Variants in SLC14A2 observed in about 807,000 individuals in gnomAD.
The protein encoded by SLC14A2 is urea transporter 2.
SLC14A2 carries 91 observed loss-of-function variants against 104.6 expected under a neutral mutation model. The ratio of observed to expected loss-of-function variants is 0.87; its 90% CI spans 0.73 to 1.04. The LOEUF (loss-of-function observed/expected upper bound fraction) is 1.04, where lower values mean the gene tolerates loss of function less well. Ranked by LOEUF, SLC14A2 falls within the 50% of genes least tolerant of loss-of-function variation. SLC14A2 has a pLI of 0.00. For synonymous variants in SLC14A2, 476 were observed against 466.4 expected, an observed-to-expected ratio of 1.02 and a Z score of -0.27; for missense variants, 1,189 against 1,156.0, an observed-to-expected ratio of 1.03 and a Z score of -0.41.
At chr18:45,359,931 A>T (rs2085594205) in intron 1 of SLC14A2, among the ~76,000 whole-genome samples, 1 of 152,166 alleles carries the variant, frequency 6.6e-6, no homozygotes, top group South Asian at 2.1e-4. Flanking sequence ...TTGGAATTCA[A>T]GTCTCCCTGA....
At chr18:45,512,102 A>T (rs944084403) in intron 2 of SLC14A2, among the ~76,000 whole-genome samples, 1 of 152,336 alleles carries the variant, frequency 6.6e-6, no homozygotes, top group African/African-American at 2.4e-5. Context: ...AAGATGCTAT[A>T]TGGGTAAACC....
intron 2 of SLC14A2, among the ~76,000 whole-genome samples, chr18:45,530,689 A>C (rs2043671028): frequency 6.6e-6 from 1 of 151,816 alleles, no homozygotes; most frequent in Non-Finnish European, 1.5e-5. Context: ...TCTGTCTGCC[A>C]CCTTTTCTAT....
chr18:45,580,764 G>A (rs1433446589), intron 2 of SLC14A2, among the ~76,000 whole-genome samples: 1 of 152,180 alleles, frequency 6.6e-6, no homozygotes, highest in Admixed American at 6.5e-5. Flanking sequence ...CGGGTAAGGG[G>A]CAAAGCTGAG....
At chr18:45,470,133 T>C (rs1276985864) in intron 1 of SLC14A2, among the ~76,000 whole-genome samples, 2 of 152,240 alleles carry the variant, frequency 1.3e-5, no homozygotes, top group Admixed American at 6.5e-5. Flanking sequence ...AAGCTGTTGC[T>C]ATGTTTTTTT....
intron 1 of SLC14A2, among the ~76,000 whole-genome samples, chr18:45,298,694 A>G (rs899839997): frequency 1.3e-5 from 2 of 152,212 alleles, no homozygotes; most frequent in African/African-American, 4.8e-5. Context: ...CTAATTATGA[A>G]AATGGAAAGT....
intron 1 of SLC14A2, among the ~76,000 whole-genome samples, chr18:45,417,857 AC>A (rs1426577206): frequency 5.9e-5 from 9 of 152,218 alleles, no homozygotes; most frequent in African/African-American, 2.2e-4. Flanking sequence ...GGAGGAAAGG[AC>A]TTTTTTAAGT....
intron 1 of SLC14A2, among the ~76,000 whole-genome samples, chr18:45,228,568 T>C (rs1205055570): frequency 6.6e-6 from 1 of 152,138 alleles, no homozygotes; most frequent in Non-Finnish European, 1.5e-5. Flanking sequence ...TATCCCTCTT[T>C]ATAGGAGATT....
intron 1 of SLC14A2, among the ~76,000 whole-genome samples, chr18:45,393,007 C>T (rs975447160): frequency 6.6e-6 from 1 of 152,122 alleles, no homozygotes; most frequent in African/African-American, 2.4e-5. Flanking sequence ...TAACTTTATG[C>T]CTATGATCAC....
At chr18:45,423,499 T>A (rs12968835) in intron 1 of SLC14A2, among the ~76,000 whole-genome samples, 43,551 of 151,782 alleles carry the variant, frequency 0.29, 7,587 homozygotes, top group Non-Finnish European at 0.39. Context: ...ACAGAGGAGG[T>A]GCAACAGAAC....
chr18:45,218,372 TA>T (rs1249427176), intron 1 of SLC14A2, among the ~76,000 whole-genome samples: 4 of 152,122 alleles, frequency 2.6e-5, no homozygotes, highest in Non-Finnish European at 5.9e-5. Flanking sequence ...AATAATATTC[TA>T]TTGTATGCAT....
At chr18:45,367,457 T>C (rs766748133) in intron 1 of SLC14A2, among the ~76,000 whole-genome samples, 1 of 152,212 alleles carries the variant, frequency 6.6e-6, no homozygotes, top group Non-Finnish European at 1.5e-5. Context: ...ATTCAGTGCA[T>C]GTAAAGAATC....
intron 2 of SLC14A2, among the ~76,000 whole-genome samples, chr18:45,598,557 A>AGCAAGAT (rs1215472445): frequency 1.3e-5 from 2 of 152,238 alleles, no homozygotes; most frequent in Non-Finnish European, 2.9e-5. Flanking sequence ...ATATAATGCA[A>AGCAAGAT]GCAAGATAGT....
chr18:45,205,540 T>C, the SLC14A2 span, among the ~76,000 whole-genome samples: 1 of 152,102 alleles, frequency 6.6e-6, no homozygotes, highest in African/African-American at 2.4e-5. Context: ...AGGGAAAAGG[T>C]CATTGTTGTT....
chr18:45,228,940 C>T (rs1358765667), intron 1 of SLC14A2, among the ~76,000 whole-genome samples: 1 of 152,142 alleles, frequency 6.6e-6, no homozygotes, highest in African/African-American at 2.4e-5. Context: ...TAAACATTGG[C>T]CCGGTTCCAC....
At chr18:45,224,305 C>T (rs529097527) in intron 1 of SLC14A2, among the ~76,000 whole-genome samples, 1 of 152,312 alleles carries the variant, frequency 6.6e-6, no homozygotes, top group African/African-American at 2.4e-5. Context: ...TACAAGTCCT[C>T]CCTTTAAGAA....
chr18:45,259,636 A>G (rs2084515399), intron 1 of SLC14A2, among the ~76,000 whole-genome samples: 2 of 152,210 alleles, frequency 1.3e-5, no homozygotes, highest in Non-Finnish European at 2.9e-5. Context: ...GGAATAATGC[A>G]TTCAGTAAGG....
intron 1 of SLC14A2, among the ~76,000 whole-genome samples, chr18:45,410,813 T>A (rs868252459): frequency 6.6e-6 from 1 of 152,246 alleles, no homozygotes; most frequent in Non-Finnish European, 1.5e-5. Context: ...CCTTCTTGCA[T>A]TGGCAGACTT....
At chr18:45,617,632 C>A (rs1392699097) in intron 1 of SLC14A2, among the ~76,000 whole-genome samples, 1 of 152,142 alleles carries the variant, frequency 6.6e-6, no homozygotes, top group Non-Finnish European at 1.5e-5. Flanking sequence ...CTTCTTAGTG[C>A]CCAGGTGTCT....
the SLC14A2 span, among the ~76,000 whole-genome samples, chr18:45,197,704 A>G: frequency 6.6e-6 from 1 of 152,192 alleles, no homozygotes; most frequent in Admixed American, 6.5e-5. Context: ...TACAGAATTG[A>G]GTGCGTCATT....
Sources: gnomAD v4.1 joint callset for allele counts (sites outside exome capture counted in the v4.1 genomes callset) on GRCh38, gnomAD v4.1.1 for gene constraint, MANE v1.5 for transcripts, NCBI Gene and HGNC (gene_info 2026-07-23, HGNC 2026-07-21) for gene names.